Variants in TDRKH observed in about 807,000 individuals in gnomAD.
The protein encoded by TDRKH is tudor and KH domain containing.
A neutral mutation model predicts 61.3 loss-of-function variants in TDRKH; 28 were observed. That is an observed-to-expected ratio of 0.46 (90% CI 0.34 to 0.63). The LOEUF (loss-of-function observed/expected upper bound fraction) is 0.63. Ranked by LOEUF, TDRKH falls within the 20% of genes least tolerant of loss-of-function variation. TDRKH has a pLI of 0.01. For synonymous variants in TDRKH, 219 were observed against 244.4 expected (o/e 0.90, Z 0.97); for missense variants, 540 against 683.4 (o/e 0.79, Z 2.34).
chr1:151,778,836 C>T lies in TDRKH; in HGVS notation c.732G>A (p.Met244Ile), dbSNP rs1385245195. 2 of 1,614,198 alleles carry T rather than the reference C, an allele frequency of 1.2e-6. No homozygotes were observed. The highest frequency in any genetic ancestry group is 2.2e-5 in the East Asian group (1 of 44,882). The change falls in exon 6 of 13, where the codon ATG becomes ATA. Residue 244 changes from methionine (M) to isoleucine (I), a missense_variant. By Grantham distance (10) the Met-to-Ile change is conservative. This residue lies in a region of TDRKH where 379 missense variants were observed against 443.8 expected (regional missense o/e 0.85). Transcript: ENST00000368824. ...GAGTCACCAGGGGTGCAGTCGGCTCCATGCTAGAACTGGTGTTTTTCCATA... is the reference window on the plus strand; with the variant it reads ...GAGTCACCAGGGGTGCAGTCGGCTCTATGCTAGAACTGGTGTTTTTCCATA... ...PALWKNTSSSMEPTAPLVTPP... is the reference protein window; with the variant it reads ...PALWKNTSSSIEPTAPLVTPP...
At chr1:151,767,487 A>C, downstream of TDRKH, 1 of 1,227,428 alleles carries the variant, frequency 8.1e-7, no homozygotes, top group Non-Finnish European at 1.1e-6. Context: ...GGTCATACAG[A>C]TGGTAGTGAA....
intron 1 of TDRKH, among the ~76,000 whole-genome samples, chr1:151,789,505 GAAGAT>G (rs1650688930): frequency 6.6e-6 from 1 of 152,222 alleles, no homozygotes. Context: ...GCTAAGAAGA[GAAGAT>G]GAGGATCATT....
downstream of TDRKH, chr1:151,769,996 G>A: frequency 1.1e-6 from 1 of 952,250 alleles, no homozygotes; most frequent in Non-Finnish European, 1.5e-6. Flanking sequence ...CAGGCAGGGA[G>A]GTTGCAGTGA....
chr1:151,779,354 A>G, intron 4 of TDRKH, 112 bp from the exon 5 acceptor site: 1 of 1,368,316 alleles, frequency 7.3e-7, no homozygotes, highest in Non-Finnish European at 9.7e-7. Flanking sequence ...TCATTTCTAA[A>G]GTGAACAAAA....
intron 3 of TDRKH, among the ~76,000 whole-genome samples, chr1:151,781,153 T>C (rs1649723814): frequency 6.8e-6 from 1 of 147,266 alleles, no homozygotes; most frequent in Non-Finnish European, 1.5e-5. Context: ...TCGTCTCCAC[T>C]AAAAATACCA....
chr1:151,772,411 A>G (rs759787830), downstream of TDRKH, among the ~76,000 whole-genome samples: 1 of 152,138 alleles, frequency 6.6e-6, no homozygotes, highest in Non-Finnish European at 1.5e-5. Context: ...GATTTTTCTG[A>G]GAAAATAAAT....
intron 1 of TDRKH, among the ~76,000 whole-genome samples, chr1:151,789,307 A>G (rs1650666696): frequency 6.6e-6 from 1 of 152,226 alleles, no homozygotes; most frequent in African/African-American, 2.4e-5. Context: ...ATCTGTCACT[A>G]TGGTTTTGTT....
chr1:151,775,717 C>T, intron 9 of TDRKH, 103 bp downstream of exon 9: 1 of 1,506,004 alleles, frequency 6.6e-7, no homozygotes, highest in Non-Finnish European at 9.0e-7. Flanking sequence ...GCACCTGAGT[C>T]CCCAGAATTC....
At chr1:151,770,460 G>T (rs554198709), downstream of TDRKH, 11 of 653,598 alleles carry the variant, frequency 1.7e-5, no homozygotes, top group African/African-American at 1.9e-4. Context: ...GCCCCTGCAG[G>T]TGGTGTTAGG....
chr1:151,775,552 A>G lies in TDRKH; in HGVS notation c.1283-9T>C. 1 of 1,611,560 alleles carries G rather than the reference A, an allele frequency of 6.2e-7. No individual in the cohort carries two copies. The highest frequency in any genetic ancestry group is 8.5e-7 in the Non-Finnish European group (1 of 1,178,940). On this transcript the variant is annotated splice_polypyrimidine_tract_variant and intron_variant, in intron 9 of 12. Coordinates refer to ENST00000368824, the MANE Select transcript of TDRKH (RefSeq NM_001083965.2). ...CTCTTCCCACTGGTCACCTGGCAAA[A>G]GATTGTAGGGGTTACTGCTGATAGG...
At chr1:151,778,661 A>AT in intron 6 of TDRKH, 24 bp downstream of exon 6, 1 of 1,608,594 alleles carries the variant, frequency 6.2e-7, no homozygotes, top group Non-Finnish European at 8.5e-7. Flanking sequence ...TCAATGATTA[A>AT]TGGGCTCCCT....
At chr1:151,783,703 G>A (rs1038732322) in intron 1 of TDRKH, 2 of 152,232 alleles carry the variant, frequency 1.3e-5, no homozygotes, top group Non-Finnish European at 2.9e-5. Flanking sequence ...CTTTCTCTTG[G>A]TTTCCTCTTA....
At chr1:151,772,158 C>G (rs921504497), downstream of TDRKH, among the ~76,000 whole-genome samples, 2 of 152,052 alleles carry the variant, frequency 1.3e-5, no homozygotes, top group African/African-American at 2.4e-5. Context: ...TGGAGTGGTG[C>G]AATCTTGGCT....
intron 1 of TDRKH, among the ~76,000 whole-genome samples, chr1:151,786,522 G>A (rs898618803): frequency 8.5e-5 from 13 of 152,158 alleles, no homozygotes; most frequent in African/African-American, 3.1e-4. Flanking sequence ...TTTGGACCAG[G>A]ATTGACTATG....
intron 3 of TDRKH, among the ~76,000 whole-genome samples, chr1:151,781,158 A>G (rs1363018664): frequency 6.6e-6 from 1 of 150,642 alleles, no homozygotes; most frequent in Non-Finnish European, 1.5e-5. Context: ...TCCACTAAAA[A>G]TACCAAAAAT....
intron 3 of TDRKH, 116 bp downstream of exon 3, chr1:151,781,361 CACAT>C (rs1206896524): frequency 4.8e-6 from 2 of 416,448 alleles, no homozygotes; most frequent in Non-Finnish European, 9.2e-6. Flanking sequence ...TATACACACA[CACAT>C]ACACACACAC....
At chr1:151,789,986 TGAC>T (rs1341055310) in intron 1 of TDRKH, among the ~76,000 whole-genome samples, 1 of 152,202 alleles carries the variant, frequency 6.6e-6, no homozygotes, top group Non-Finnish European at 1.5e-5. Flanking sequence ...TGTATTATTC[TGAC>T]GACTGTAAAC....
chr1:151,774,286 G>C lies in TDRKH; in HGVS notation c.*166C>G, dbSNP rs965403924. The C allele has an allele frequency of 1.1e-5, 7 of 657,462 alleles. No individual in the cohort carries two copies. In the African/African-American group the frequency reaches 1.1e-4, roughly 10 times the overall value. 40.7% of individuals were successfully genotyped at this position (657,462 alleles called of 1,614,324 possible). On this transcript the variant is annotated 3_prime_UTR_variant, in exon 13 of 13. Transcript: ENST00000368824. The stretch of plus-strand genomic sequence containing the variant: ...AGTGCTCAATCTGAGAGCAAGTTAA[G>C]CTGCAGGAAAGCAGCTGCAGAGAAG...
downstream of TDRKH, chr1:151,767,891 A>G (rs1432714360): frequency 7.1e-6 from 6 of 845,250 alleles, no homozygotes; most frequent in African/African-American, 1.0e-4. Flanking sequence ...CACAATAGGC[A>G]TAGGCTATTA....
Sources: allele counts gnomAD v4.1 joint callset (sites outside exome capture counted in the v4.1 genomes callset), GRCh38; gene constraint gnomAD v4.1.1; regional missense constraint gnomAD v4.1.1; transcripts MANE v1.5; gene names NCBI Gene and HGNC (gene_info 2026-07-23, HGNC 2026-07-21).